PPARA: variants seen among roughly 807,000 people sequenced by gnomAD.
PPARA encodes peroxisome proliferator activated receptor alpha.
PPARA carries 22 observed loss-of-function variants against 42.2 expected under a neutral mutation model. That is an observed-to-expected ratio of 0.52 (90% CI 0.37 to 0.74). The LOEUF (loss-of-function observed/expected upper bound fraction) is 0.74, where lower values mean the gene tolerates loss of function less well. Ranked by LOEUF, PPARA falls within the 30% of genes least tolerant of loss-of-function variation. The probability of loss-of-function intolerance (pLI) is 0.00; values close to 1 mark genes in which losing one functional copy is unlikely to be tolerated. For synonymous variants in PPARA, 242 were observed against 239.3 expected (o/e 1.01, Z -0.10); for missense variants, 465 against 608.2 (o/e 0.76, Z 2.48).
At chr22:46,153,255 C>T (rs1924750065) in intron 2 of PPARA, among the ~76,000 whole-genome samples, 1 of 148,312 alleles carries the variant, frequency 6.7e-6, no homozygotes, top group South Asian at 2.1e-4. Flanking sequence ...CCGCAACGTC[C>T]ACCTCACGGA....
intron 3 of PPARA, among the ~76,000 whole-genome samples, chr22:46,194,818 C>A (rs1183323240): frequency 4.0e-5 from 6 of 151,166 alleles, no homozygotes; most frequent in African/African-American, 1.2e-4. Context: ...AAGTGATCAG[C>A]CCACCTCAGC....
rs1057325852 is a variant in PPARA, at chr22:46,180,471, T to C, written c.-43+3635T>C. On this transcript the variant is annotated intron_variant, in intron 3 of 8. Transcript: ENST00000407236. This position sits in a 1 kb window ranked among gnomAD's most constrained non-coding sequence, Gnocchi z 4.2. ...AAACATTAATCTTATCTAGCCTCCA[T>C]GTATTTTGTAAGTTCTGTAAATTCC... 6.6e-6 allele frequency among the ~76,000 whole-genome samples: 1 copy of C among 152,210 alleles called. No individual in the cohort carries two copies. The highest frequency in any genetic ancestry group is 6.5e-5 in the Admixed American group (1 of 15,286).
chr22:46,235,261 A>C lies in PPARA; in HGVS notation c.1288A>C (p.Met430Leu). Residue 430 changes from methionine to leucine, a missense_variant, in exon 9 of 9, where the codon ATG becomes CTG. Coordinates refer to ENST00000407236, the MANE Select transcript of PPARA (RefSeq NM_005036.6). This position sits in a 1 kb window ranked among gnomAD's most constrained non-coding sequence, Gnocchi z 7.0. The part of the protein sequence containing the change: ...IFLFPKLLQK[M>L]ADLRQLVTEH... ...TCTCTTCCCAAAACTTCTTCAAAAA[A>C]TGGCAGACCTCCGGCAGCTGGTGAC... 2 of 1,614,102 alleles carry C rather than the reference A, an allele frequency of 1.2e-6. No homozygotes were observed. Among genetic ancestry groups the C allele is most frequent in the Non-Finnish European group, 1.7e-6 (2 of 1,180,040 alleles).
rs1223483751 is a variant in PPARA at position 46,203,378 on chromosome 22, A to G, written c.208+4787A>G. ...GGGTGAGGCTGGTTCACTCGGCCAA[A>G]GTACCATTTTATCTCTGCTTTTTCT... On this transcript the variant is annotated intron_variant, in intron 4 of 8. Coordinates refer to ENST00000407236, the MANE Select transcript of PPARA (RefSeq NM_005036.6). The surrounding 1 kb of genome is among the most constrained non-coding windows in gnomAD (Gnocchi z 5.8). Among the ~76,000 whole-genome samples, 1 of 152,206 alleles carries G rather than the reference A, an allele frequency of 6.6e-6. No individual in the cohort carries two copies. Among genetic ancestry groups the G allele is most frequent in the Non-Finnish European group, 1.5e-5 (1 of 68,038 alleles).
chr22:46,161,705 C>A lies in PPARA; in HGVS notation c.-127+9735C>A, dbSNP rs886251063. Among the ~76,000 whole-genome samples the A allele has an allele frequency of 6.6e-6, 1 of 152,196 alleles. No homozygotes were observed. The highest frequency in any genetic ancestry group is 2.4e-5 in the African/African-American group (1 of 41,444). On this transcript the variant is annotated intron_variant, in intron 2 of 8. Coordinates refer to ENST00000407236, the MANE Select transcript of PPARA (RefSeq NM_005036.6). This position sits in a 1 kb window ranked among gnomAD's most constrained non-coding sequence, Gnocchi z 4.8. The stretch of plus-strand genomic sequence containing the variant: ...TGTAACACATCCATCCACCAGGTAT[C>A]ATTTTTATACACGTGAAGTTAAATC...
At chr22:46,205,326 C>A (rs1018632891) in intron 4 of PPARA, among the ~76,000 whole-genome samples, 2 of 150,758 alleles carry the variant, frequency 1.3e-5, no homozygotes, top group Non-Finnish European at 2.9e-5. Context: ...AGGTAATCCT[C>A]CTACTTCAGC....
At position 46,240,678 on chromosome 22, in the gene PPARA, G is replaced by A. The variant is rs374254846; in HGVS notation, c.*5298G>A. The A allele has an allele frequency of 2.8e-3, 444 of 158,160 alleles. 3 individuals carry two copies. The highest frequency in any genetic ancestry group is 0.01 in the African/African-American group (428 of 41,844). 9.8% of individuals were successfully genotyped at this position (158,160 alleles called of 1,614,324 possible). The stretch of plus-strand genomic sequence containing the variant: ...CACGGGAACCTCTCGTCCACAGGAG[G>A]TTTGTCTCAACACTTCCCATTTTTA... On this transcript the variant is annotated 3_prime_UTR_variant, in exon 9 of 9. Transcript: ENST00000407236. The surrounding 1 kb of genome is among the most constrained non-coding windows in gnomAD (Gnocchi z 6.0).
In PPARA at chr22:46,221,748, G is replaced by A. The variant is rs1569242669; in HGVS notation, c.711+1734G>A. Among the ~76,000 whole-genome samples the A allele has an allele frequency of 1.3e-5, 2 of 151,984 alleles. No homozygotes were observed. The highest frequency in any genetic ancestry group is 2.1e-4 in the South Asian group (1 of 4,818). ...CAGGAGGCAGAGCTTGCAGTGAGCC[G>A]AGATCGTGCCACTGCACTTCCAGCC... On this transcript the variant is annotated intron_variant, in intron 7 of 8. Transcript: ENST00000407236. This position sits in a 1 kb window ranked among gnomAD's most constrained non-coding sequence, Gnocchi z 5.9.
rs1384154715 is a variant in PPARA, at chr22:46,195,028, G to C, written c.-42-3314G>C. 6.7e-6 allele frequency among the ~76,000 whole-genome samples: 1 copy of C among 148,954 alleles called. No individual in the cohort carries two copies. Among genetic ancestry groups the C allele is most frequent in the African/African-American group, 2.5e-5 (1 of 40,298 alleles). Reference sequence around the variant, plus strand: ...AGCGATTCTCTTGCCTCAGTCTCCTGAGTAGCTGGGATTACAGGCGCCTAC... The same window carrying C: ...AGCGATTCTCTTGCCTCAGTCTCCTCAGTAGCTGGGATTACAGGCGCCTAC... On this transcript the variant is annotated intron_variant, in intron 3 of 8. Coordinates refer to ENST00000407236, the MANE Select transcript of PPARA (RefSeq NM_005036.6). This position sits in a 1 kb window ranked among gnomAD's most constrained non-coding sequence, Gnocchi z 4.6.
At chr22:46,207,644 TTTATTA>T (rs34052175) in intron 4 of PPARA, among the ~76,000 whole-genome samples, 1,811 of 91,284 alleles carry the variant, frequency 0.02, 103 homozygotes, top group African/African-American at 0.045. Flanking sequence ...AATTAATTAA[TTTATTA>T]TTATTATTAT....
chr22:46,196,729 T>C lies in PPARA; in HGVS notation c.-42-1613T>C, dbSNP rs1932277007. On this transcript the variant is annotated intron_variant, in intron 3 of 8. Transcript: ENST00000407236. This position sits in a 1 kb window ranked among gnomAD's most constrained non-coding sequence, Gnocchi z 5.6. Reference sequence around the variant, plus strand: ...GGATCTGATTTTTGTTAGTTGTTGTTGTTGCTGTTTTGAGGTGGAGTCTTG... The same window carrying C: ...GGATCTGATTTTTGTTAGTTGTTGTCGTTGCTGTTTTGAGGTGGAGTCTTG... Among the ~76,000 whole-genome samples, 1 of 152,208 alleles carries C rather than the reference T, an allele frequency of 6.6e-6. No individual in the cohort carries two copies. Among genetic ancestry groups the C allele is most frequent in the African/African-American group, 2.4e-5 (1 of 41,444 alleles).
At chr22:46,226,562 G>C (rs575071426) in intron 7 of PPARA, among the ~76,000 whole-genome samples, 1 of 152,144 alleles carries the variant, frequency 6.6e-6, no homozygotes, top group Non-Finnish European at 1.5e-5. Flanking sequence ...TTCAGTTATG[G>C]AAGATTTTAC....
chr22:46,168,513 A>G (rs1927476140), intron 2 of PPARA, among the ~76,000 whole-genome samples: 1 of 151,864 alleles, frequency 6.6e-6, no homozygotes. Flanking sequence ...TACAAAACAT[A>G]TATCTGACAA....
intron 7 of PPARA, among the ~76,000 whole-genome samples, chr22:46,223,111 G>A (rs1314958568): frequency 2.0e-5 from 3 of 152,154 alleles, no homozygotes; most frequent in South Asian, 2.1e-4. Context: ...AGCCACGATC[G>A]CGCCACTGCA....
intron 2 of PPARA, among the ~76,000 whole-genome samples, chr22:46,169,100 G>A (rs1569191261): frequency 6.6e-6 from 1 of 151,848 alleles, no homozygotes; most frequent in African/African-American, 2.4e-5. Flanking sequence ...GTATGGTACC[G>A]TAACGATGAA....
rs371844229 is a variant in PPARA at position 46,211,636 on chromosome 22, G to C, written c.209-3537G>C. Among the ~76,000 whole-genome samples the C allele has an allele frequency of 2.6e-5, 4 of 152,138 alleles. No individual in the cohort carries two copies. The highest frequency in any genetic ancestry group is 4.4e-5 in the Non-Finnish European group (3 of 68,044). On this transcript the variant is annotated intron_variant, in intron 4 of 8. Transcript: ENST00000407236. This position sits in a 1 kb window ranked among gnomAD's most constrained non-coding sequence, Gnocchi z 4.1. ...CAATCTGAACTATAAAGTTCTGTGG[G>C]TTTTCACAAATGCGTAGTGTCATGT...
intron 2 of PPARA, chr22:46,164,616 T>C (rs1361153775): frequency 6.6e-6 from 1 of 152,226 alleles, no homozygotes; most frequent in African/African-American, 2.4e-5. Flanking sequence ...GGCAGCTCCA[T>C]GACGACAGAG....
intron 7 of PPARA, among the ~76,000 whole-genome samples, chr22:46,226,793 C>A (rs1935494767): frequency 6.6e-6 from 1 of 151,946 alleles, no homozygotes; most frequent in Non-Finnish European, 1.5e-5. Context: ...GGATGGAGGT[C>A]AAGACTGCAG....
In PPARA at chr22:46,166,618, C is replaced by CAAA. The variant is rs60478706; in HGVS notation, c.-126-10124_-126-10122dup. Among the ~76,000 whole-genome samples the CAAA allele has an allele frequency of 2.8e-3, 298 of 105,816 alleles. 1 individual carries two copies. The highest frequency in any genetic ancestry group is 9.6e-3 in the African/African-American group (279 of 29,088). The allele number at this position is 105,816 out of a possible 152,430, so 69.4% of individuals were successfully genotyped here. A position where few individuals can be genotyped will look rare whatever the true frequency, so the allele number is the denominator to read the frequency against. Reference sequence around the variant, plus strand: ...GGGTGACAGAGCAAGACTACCATCTCAAAAAAAAAAAAACAAAAAACAGTA... The same window carrying CAAA: ...GGGTGACAGAGCAAGACTACCATCTCAAAAAAAAAAAAAAAACAAAAAACAGTA... On this transcript the variant is annotated intron_variant, in intron 2 of 8. Transcript: ENST00000407236.
Sources: gnomAD v4.1 joint callset for allele counts (sites outside exome capture counted in the v4.1 genomes callset) on GRCh38, gnomAD v4.1.1 for gene constraint, Gnocchi (gnomAD v3.1) non-coding constraint, MANE v1.5 for transcripts, NCBI Gene and HGNC (gene_info 2026-07-23, HGNC 2026-07-21) for gene names.